PRDM6: variants seen among roughly 807,000 people sequenced by gnomAD.
PRDM6 encodes the protein putative histone-lysine N-methyltransferase PRDM6.
A neutral mutation model predicts 60.8 loss-of-function variants in PRDM6; 25 were observed. That is an observed-to-expected ratio of 0.41 (90% CI 0.30 to 0.57). The LOEUF (loss-of-function observed/expected upper bound fraction) is 0.57. Among genes scored for constraint, PRDM6 ranks in the 20% least tolerant of loss-of-function variants. PRDM6 has a pLI of 0.27. For missense variants in PRDM6, 839 were observed against 821.3 expected (o/e 1.02, Z -0.26); for synonymous variants, 407 against 357.4 (o/e 1.14, Z -1.57).
intron 3 of PRDM6, among the ~76,000 whole-genome samples, chr5:123,108,779 A>G (rs1029630053): frequency 2.0e-5 from 3 of 152,158 alleles, no homozygotes; most frequent in Non-Finnish European, 4.4e-5. Context: ...GATGGTTTTC[A>G]TAATGGGTTT....
chr5:123,122,041 T>A (rs1385966270), intron 3 of PRDM6, among the ~76,000 whole-genome samples: 1 of 150,584 alleles, frequency 6.6e-6, no homozygotes, highest in Non-Finnish European at 1.5e-5. Context: ...CGGGCGCCTG[T>A]AATCCCAGCT....
chr5:123,145,754 A>G (rs1369160886), intron 3 of PRDM6, among the ~76,000 whole-genome samples: 1 of 152,200 alleles, frequency 6.6e-6, no homozygotes, highest in African/African-American at 2.4e-5. Flanking sequence ...TCTGTCCTTG[A>G]CAGACGGCCA....
intron 3 of PRDM6, among the ~76,000 whole-genome samples, chr5:123,112,852 A>G (rs1764347207): frequency 1.9e-5 from 2 of 104,626 alleles, no homozygotes; most frequent in African/African-American, 7.5e-5. Flanking sequence ...GCAAATTTAA[A>G]TTTATGAAGT....
intron 2 of PRDM6, among the ~76,000 whole-genome samples, chr5:123,095,869 C>T (rs998723411): frequency 2.0e-5 from 3 of 152,180 alleles, no homozygotes; most frequent in African/African-American, 7.2e-5. Context: ...TTTCCTAGAA[C>T]GAGAAATGAA....
intron 3 of PRDM6, among the ~76,000 whole-genome samples, chr5:123,149,055 C>G (rs1234997946): frequency 6.6e-6 from 1 of 152,160 alleles, no homozygotes. Flanking sequence ...AAATGCCACA[C>G]GAATATGTAT....
In PRDM6 at chr5:123,097,033, GA is replaced by G. The variant is rs992394890; in HGVS notation, c.593-2612del. 2.0e-5 allele frequency among the ~76,000 whole-genome samples: 3 copies of G among 151,134 alleles called. No individual in the cohort carries two copies. The South Asian group carries it at 6.3e-4, about 32-fold the overall frequency. On this transcript the variant is annotated intron_variant, in intron 2 of 7. Transcript: ENST00000407847. ...ACCATTTGCATCATTGAGTCAAGCA[GA>G]AAAAAAAATCAGTTAAGTAACTCCC...
chr5:123,133,401 TAGGA>T lies in PRDM6; in HGVS notation c.901-22476_901-22473del, dbSNP rs149373079. Among the ~76,000 whole-genome samples, 1,272 of 152,026 alleles carry T rather than the reference TAGGA, an allele frequency of 8.4e-3. 25 individuals are homozygous for T. Among genetic ancestry groups the T allele is most frequent in the African/African-American group, 0.029 (1,210 of 41,490 alleles). On this transcript the variant is annotated intron_variant, in intron 3 of 7. Transcript: ENST00000407847. ...ATTGAGTTAGTGAAAGCTTCCATCATAGGAAGGAAGAAAACTTCTAGTAGCTTAT... is the reference window on the plus strand; with the variant it reads ...ATTGAGTTAGTGAAAGCTTCCATCATAGGAAGAAAACTTCTAGTAGCTTAT...
intron 3 of PRDM6, among the ~76,000 whole-genome samples, chr5:123,132,980 C>T (rs1764867898): frequency 6.6e-6 from 1 of 151,910 alleles, no homozygotes; most frequent in Non-Finnish European, 1.5e-5. Context: ...ATATTTTGTC[C>T]ATTTAATTCT....
intron 3 of PRDM6, among the ~76,000 whole-genome samples, chr5:123,105,906 C>G (rs1764189378): frequency 6.6e-6 from 1 of 152,204 alleles, no homozygotes; most frequent in Non-Finnish European, 1.5e-5. Flanking sequence ...ACATGTGTGA[C>G]AGAGGTTGAC....
intron 3 of PRDM6, among the ~76,000 whole-genome samples, chr5:123,148,861 T>C (rs1439834149): frequency 2.0e-5 from 3 of 152,194 alleles, no homozygotes; most frequent in Non-Finnish European, 4.4e-5. Context: ...GCAAATAGGA[T>C]GTGATGAAAA....
At position 123,182,047 on chromosome 5, in the gene PRDM6, G is replaced by T. The variant is rs545979174; in HGVS notation, c.1673+1724G>T. Among the ~76,000 whole-genome samples the T allele has an allele frequency of 3.9e-5, 6 of 152,338 alleles. No homozygotes were observed. In the South Asian group the frequency reaches 1.2e-3, roughly 32 times the overall value. On this transcript the variant is annotated intron_variant, in intron 7 of 7. Coordinates refer to ENST00000407847, the MANE Select transcript of PRDM6 (RefSeq NM_001136239.4). ...CTTGTTCACTGCATAAGAGCATCTG[G>T]CTAAGTGGGCAGGATGGGGCCTAAA...
chr5:123,124,285 T>C (rs1764646804), intron 3 of PRDM6, among the ~76,000 whole-genome samples: 1 of 152,204 alleles, frequency 6.6e-6, no homozygotes, highest in Admixed American at 6.5e-5. Context: ...AGCAGGATAA[T>C]TCAGACGCCC....
At chr5:123,096,969 G>C (rs1007131955) in intron 2 of PRDM6, among the ~76,000 whole-genome samples, 4 of 152,018 alleles carry the variant, frequency 2.6e-5, no homozygotes, top group Non-Finnish European at 5.9e-5. Context: ...ACTGTCTCTG[G>C]CACAGGCTGC....
At position 123,189,584 on chromosome 5, in the gene PRDM6, C is replaced by T. The variant is rs928680295; in HGVS notation, c.*2383C>T. 1 of 152,250 alleles carries T rather than the reference C, an allele frequency of 6.6e-6. No homozygotes were observed. The highest frequency in any genetic ancestry group is 1.5e-5 in the Non-Finnish European group (1 of 68,056). The allele number at this position is 152,250 out of a possible 1,614,324, so 9.4% of individuals were successfully genotyped here. A position where few individuals can be genotyped will look rare whatever the true frequency, so the allele number is the denominator to read the frequency against. On this transcript the variant is annotated 3_prime_UTR_variant, in exon 8 of 8. Transcript: ENST00000407847. ...TGGCAGTAACCTGTACTCCAAAACACTCTTCTAGTGTTCTGCTCCATTTAA... is the reference window on the plus strand; with the variant it reads ...TGGCAGTAACCTGTACTCCAAAACATTCTTCTAGTGTTCTGCTCCATTTAA...
chr5:123,093,589 C>G (rs950410784), intron 2 of PRDM6, among the ~76,000 whole-genome samples: 2 of 152,296 alleles, frequency 1.3e-5, no homozygotes, highest in Middle Eastern at 3.4e-3. Flanking sequence ...GCTGCTGCCG[C>G]CTTCTCTTAA....
At chr5:123,180,834 C>G (rs1277359304) in intron 7 of PRDM6, among the ~76,000 whole-genome samples, 1 of 152,134 alleles carries the variant, frequency 6.6e-6, no homozygotes, top group African/African-American at 2.4e-5. Context: ...TTATAGCAGC[C>G]AACTTGTGAC....
rs1406434797 is a variant in PRDM6 at position 123,190,227 on chromosome 5, G to A, written c.*3026G>A. On this transcript the variant is annotated 3_prime_UTR_variant, in exon 8 of 8. Transcript: ENST00000407847. Reference sequence around the variant, plus strand: ...TCAGAATAAGACTTTTCATCCTAGCGTATGTTCCTTTATTTAGCAGAGTCT... The same window carrying A: ...TCAGAATAAGACTTTTCATCCTAGCATATGTTCCTTTATTTAGCAGAGTCT... The A allele has an allele frequency of 2.6e-5, 4 of 152,078 alleles. No individual in the cohort carries two copies. Among genetic ancestry groups the A allele is most frequent in the African/African-American group, 4.8e-5 (2 of 41,404 alleles). 9.4% of individuals were successfully genotyped at this position (152,078 alleles called of 1,614,324 possible).
intron 3 of PRDM6, among the ~76,000 whole-genome samples, chr5:123,145,513 T>G (rs1325858939): frequency 6.6e-6 from 1 of 152,198 alleles, no homozygotes; most frequent in African/African-American, 2.4e-5. Flanking sequence ...CTCTTGGATC[T>G]TGATGGGGAG....
chr5:123,166,721 A>G (rs1325290234), intron 5 of PRDM6, among the ~76,000 whole-genome samples: 1 of 152,232 alleles, frequency 6.6e-6, no homozygotes, highest in Non-Finnish European at 1.5e-5. Context: ...TTGTGGACTG[A>G]ATGAATGAAC....
Sources: gnomAD v4.1 joint callset for allele counts (sites outside exome capture counted in the v4.1 genomes callset) on GRCh38, gnomAD v4.1.1 for gene constraint, MANE v1.5 for transcripts, NCBI Gene and HGNC (gene_info 2026-07-23, HGNC 2026-07-21) for gene names.